Variants in TANGO2 observed in about 807,000 individuals in gnomAD.
The protein encoded by TANGO2 is transport and golgi organization 2 homolog.
In TANGO2, 26 loss-of-function variants were observed where a neutral mutation model predicts 39.1. The ratio of observed to expected loss-of-function variants is 0.67; its 90% CI spans 0.49 to 0.92. TANGO2 has a LOEUF of 0.92. Ranked by LOEUF, TANGO2 falls within the 40% of genes least tolerant of loss-of-function variation. The pLI is 0.00. For synonymous variants in TANGO2, 131 were observed against 144.5 expected (o/e 0.91, Z 0.67); for missense variants, 326 against 360.1 (o/e 0.91, Z 0.77).
At chr22:20,036,949 G>T (rs1182147098) in intron 2 of TANGO2, 95 bp downstream of exon 2, 1 of 1,613,462 alleles carries the variant, frequency 6.2e-7, no homozygotes, top group Non-Finnish European at 8.5e-7. Context: ...AGGAAGGTGT[G>T]TGGGCCAGGA....
intron 3 of TANGO2, among the ~76,000 whole-genome samples, chr22:20,046,045 GCTGATCAGAC>G (rs1461175748): frequency 6.6e-6 from 1 of 152,050 alleles, no homozygotes; most frequent in Non-Finnish European, 1.5e-5. Context: ...TCCCTGAGAT[GCTGATCAGAC>G]ATTCTCTGTG....
At chr22:20,040,252 G>A (rs972075636) in intron 2 of TANGO2, among the ~76,000 whole-genome samples, 1 of 152,204 alleles carries the variant, frequency 6.6e-6, no homozygotes, top group African/African-American at 2.4e-5. Context: ...TGAGTTATTA[G>A]GCAAACATAT....
chr22:20,063,022 C>T (rs571273154), intron 7 of TANGO2: 14 of 304,856 alleles, frequency 4.6e-5, no homozygotes, highest in South Asian at 7.1e-5. Flanking sequence ...GCTGGAGCCC[C>T]GATGCTAGCT....
At chr22:20,044,798 T>A (rs1384592689) in intron 3 of TANGO2, among the ~76,000 whole-genome samples, 2 of 152,180 alleles carry the variant, frequency 1.3e-5, no homozygotes, top group African/African-American at 4.8e-5. Flanking sequence ...TTTTCATAGA[T>A]GAAGATGTGG....
At chr22:20,036,987 T>C (rs548798409) in intron 2 of TANGO2, 133 bp downstream of exon 2, 116 of 1,603,472 alleles carry the variant, frequency 7.2e-5, no homozygotes, top group Non-Finnish European at 9.1e-5. Context: ...GGCACTGCCC[T>C]CCAGGACAGG....
intron 1 of TANGO2, among the ~76,000 whole-genome samples, chr22:20,034,877 G>A (rs2042563495): frequency 6.6e-6 from 1 of 152,236 alleles, no homozygotes; most frequent in African/African-American, 2.4e-5. Flanking sequence ...TCTCCGAACT[G>A]TTGGCCAAAT....
intron 2 of TANGO2, chr22:20,037,152 G>A (rs1329458387): frequency 9.4e-6 from 14 of 1,485,820 alleles, no homozygotes; most frequent in Non-Finnish European, 1.2e-5. Context: ...GCTTTGAGGA[G>A]GGTCGGGCGG....
chr22:20,023,086 C>T (rs948047403), intron 1 of TANGO2, among the ~76,000 whole-genome samples: 5 of 152,214 alleles, frequency 3.3e-5, no homozygotes, highest in African/African-American at 9.7e-5. Flanking sequence ...GCTTTTTCCC[C>T]TTTTTCTCTC....
intron 2 of TANGO2, among the ~76,000 whole-genome samples, chr22:20,037,599 A>C (rs2043089176): frequency 6.6e-6 from 1 of 152,220 alleles, no homozygotes; most frequent in East Asian, 1.9e-4. Flanking sequence ...GCTTGACTTC[A>C]AGGCTGAGTG....
At chr22:20,018,236 T>G (rs911669736), upstream of TANGO2, among the ~76,000 whole-genome samples, 31 of 152,246 alleles carry the variant, frequency 2.0e-4, no homozygotes, top group Non-Finnish European at 4.3e-4. Flanking sequence ...GCACTTGACG[T>G]GCCAATTGGC....
intron 5 of TANGO2, chr22:20,054,297 G>T (rs2046951967): frequency 6.3e-6 from 1 of 159,282 alleles, no homozygotes; most frequent in Non-Finnish European, 1.4e-5. Context: ...CTGGTGCGGG[G>T]CACTTGCTGT....
intron 7 of TANGO2, among the ~76,000 whole-genome samples, chr22:20,062,113 G>C (rs763569271): frequency 2.0e-5 from 3 of 152,190 alleles, no homozygotes; most frequent in South Asian, 4.1e-4. Flanking sequence ...TCCCGCAAGC[G>C]GTCTGTCCCC....
At position 20,057,134 on chromosome 22, in the gene TANGO2, C is replaced by T. The variant is rs1378378187; in HGVS notation, c.451+1121C>T. The T allele has an allele frequency of 2.7e-5, 10 of 367,522 alleles. No homozygotes were observed. In the East Asian group the frequency reaches 5.9e-4, roughly 22 times the overall value. 22.8% of individuals were successfully genotyped at this position (367,522 alleles called of 1,614,324 possible). A position where few individuals can be genotyped will look rare whatever the true frequency, so the allele number is the denominator to read the frequency against. On this transcript the variant is annotated intron_variant, in intron 6 of 8. Coordinates refer to ENST00000327374, the MANE Select transcript of TANGO2 (RefSeq NM_152906.7). This position sits in a 1 kb window ranked among gnomAD's most constrained non-coding sequence, Gnocchi z 4.1. Reference sequence around the variant, plus strand: ...TACACGGTGGAACTGAAGCCCCAGGCGTCCCTGGAGGGGCCCGAGGGAGAT... The same window carrying T: ...TACACGGTGGAACTGAAGCCCCAGGTGTCCCTGGAGGGGCCCGAGGGAGAT...
At chr22:20,022,090 C>T (rs2039811808) in intron 1 of TANGO2, among the ~76,000 whole-genome samples, 1 of 152,248 alleles carries the variant, frequency 6.6e-6, no homozygotes, top group African/African-American at 2.4e-5. Context: ...AAGGGGGTAG[C>T]TGAGTAGCTC....
intron 2 of TANGO2, among the ~76,000 whole-genome samples, chr22:20,043,088 C>T (rs951360791): frequency 6.6e-6 from 1 of 152,156 alleles, no homozygotes; most frequent in African/African-American, 2.4e-5. Context: ...GCCTGGCAGA[C>T]CCGTCTCCCG....
chr22:20,055,825 C>T (rs952712580), intron 5 of TANGO2, 118 bp from the exon 6 acceptor site: 14 of 898,160 alleles, frequency 1.6e-5, no homozygotes, highest in African/African-American at 4.9e-5. Context: ...CTGACCTGGC[C>T]GCAGCGGGCT....
At chr22:20,048,536 G>C (rs2045691726) in intron 3 of TANGO2, among the ~76,000 whole-genome samples, 1 of 152,086 alleles carries the variant, frequency 6.6e-6, no homozygotes, top group Admixed American at 6.5e-5. Context: ...GGGCAATTTG[G>C]AAGTTTTGTT....
At chr22:20,062,497 G>A (rs573409546) in intron 7 of TANGO2, among the ~76,000 whole-genome samples, 1 of 152,292 alleles carries the variant, frequency 6.6e-6, no homozygotes, top group South Asian at 2.1e-4. Flanking sequence ...TCTGATAGGC[G>A]GCCTCGTCCT....
rs2049014273 is a variant in TANGO2, at chr22:20,064,875, G to C, written c.*213G>C. 1.6e-6 allele frequency: 1 copy of C among 616,624 alleles called. No homozygotes were observed. Among genetic ancestry groups the C allele is most frequent in the Non-Finnish European group, 2.8e-6 (1 of 362,036 alleles). The allele number at this position is 616,624 out of a possible 1,614,324, so 38.2% of individuals were successfully genotyped here. Reference sequence around the variant, plus strand: ...ATGCCAGTGAGGAGCAGCAGAGTCTGATACTAGGTCTAGGACCGGCCGAGG... The same window carrying C: ...ATGCCAGTGAGGAGCAGCAGAGTCTCATACTAGGTCTAGGACCGGCCGAGG... On this transcript the variant is annotated 3_prime_UTR_variant, in exon 9 of 9. Coordinates refer to ENST00000327374, the MANE Select transcript of TANGO2 (RefSeq NM_152906.7).
Sources: allele counts gnomAD v4.1 joint callset (sites outside exome capture counted in the v4.1 genomes callset), GRCh38; gene constraint gnomAD v4.1.1; non-coding constraint Gnocchi (gnomAD v3.1); transcripts MANE v1.5; gene names NCBI Gene and HGNC (gene_info 2026-07-23, HGNC 2026-07-21).